Variants in PKN2 observed in about 807,000 individuals in gnomAD.
PKN2 encodes the protein serine/threonine-protein kinase N2.
Under a neutral mutation model 119.1 loss-of-function variants are expected in PKN2, and 38 were observed. The ratio of observed to expected loss-of-function variants is 0.32; its 90% CI spans 0.25 to 0.42. PKN2 has a LOEUF of 0.42. Ranked by LOEUF, PKN2 falls within the 10% of genes least tolerant of loss-of-function variation. PKN2 has a pLI of 1.00. For synonymous variants in PKN2, 390 were observed against 384.9 expected (o/e 1.01, Z -0.15); for missense variants, 850 against 1,165.1 (o/e 0.73, Z 3.94).
At chr1:88,829,972 G>C (rs754552101) in intron 19 of PKN2, among the ~76,000 whole-genome samples, 3 of 152,192 alleles carry the variant, frequency 2.0e-5, no homozygotes, top group African/African-American at 7.2e-5. Flanking sequence ...GGAAAAGGAG[G>C]AGAAGTATGG....
At chr1:88,745,257 C>T (rs1668728241) in intron 2 of PKN2, among the ~76,000 whole-genome samples, 2 of 152,278 alleles carry the variant, frequency 1.3e-5, no homozygotes, top group South Asian at 4.1e-4. Context: ...CTGTTAAGCC[C>T]TAGCTAGAGC....
Position 88,771,690 on chromosome 1 carries a change from C to A in PKN2, c.796C>A (p.Gln266Lys). 1.2e-6 allele frequency: 2 copies of A among 1,613,818 alleles called. No homozygotes were observed. Among genetic ancestry groups the A allele is most frequent in the South Asian group, 2.2e-5 (2 of 91,030 alleles). The change falls in exon 6 of 22, where the codon CAG (glutamine) becomes AAG (lysine). Residue 266 changes from glutamine (Q) to lysine (K), a missense_variant. This residue lies in a region of PKN2 where 350 missense variants were observed against 511.1 expected (regional missense o/e 0.68). Transcript: ENST00000370521. Reference protein sequence around the residue: ...EAQARFNESSQKLDLLKYSLE... With the variant: ...EAQARFNESSKKLDLLKYSLE... ...TCAAGCAAGATTTAATGAATCAAGT[C>A]AGAAGTTGGACCTTTTAAAGTATTC...
chr1:88,730,968 A>C (rs539319857), intron 1 of PKN2, among the ~76,000 whole-genome samples: 8 of 152,362 alleles, frequency 5.3e-5, no homozygotes, highest in Admixed American at 3.3e-4. Flanking sequence ...TCTGTTCAAA[A>C]CAAACAAACA....
chr1:88,793,705 A>G (rs889674014), intron 8 of PKN2, among the ~76,000 whole-genome samples: 2 of 152,146 alleles, frequency 1.3e-5, no homozygotes, highest in African/African-American at 4.8e-5. Context: ...TTTATATAAA[A>G]TGGTGTATTT....
chr1:88,731,265 C>A (rs1668133725), intron 1 of PKN2, among the ~76,000 whole-genome samples: 1 of 152,176 alleles, frequency 6.6e-6, no homozygotes. Flanking sequence ...TGTGTTTGAA[C>A]TGGTTTCTTG....
At chr1:88,818,666 AAAAG>A (rs1018642097) in intron 16 of PKN2, among the ~76,000 whole-genome samples, 13 of 151,718 alleles carry the variant, frequency 8.6e-5, no homozygotes, top group African/African-American at 2.9e-4. Context: ...AAAAAAAAGA[AAAAG>A]AAGAAACTAC....
chr1:88,776,333 T>G (rs902593249), intron 6 of PKN2, among the ~76,000 whole-genome samples: 1 of 150,874 alleles, frequency 6.6e-6, no homozygotes, highest in Non-Finnish European at 1.5e-5. Flanking sequence ...TCTCCTAGTG[T>G]CTACCTCCCT....
intron 1 of PKN2, among the ~76,000 whole-genome samples, chr1:88,700,817 G>C (rs1046335568): frequency 5.9e-5 from 9 of 152,182 alleles, no homozygotes; most frequent in African/African-American, 2.2e-4. Context: ...ATTCACTTCT[G>C]TCTGACAGTG....
At chr1:88,776,780 T>C (rs1257991917) in intron 6 of PKN2, among the ~76,000 whole-genome samples, 2 of 152,148 alleles carry the variant, frequency 1.3e-5, no homozygotes, top group Non-Finnish European at 2.9e-5. Context: ...TCCAGGCCTT[T>C]ATGTTTTGTG....
At chr1:88,832,218 C>G (rs1249863234) in intron 19 of PKN2, among the ~76,000 whole-genome samples, 1 of 151,956 alleles carries the variant, frequency 6.6e-6, no homozygotes, top group Non-Finnish European at 1.5e-5. Context: ...AAATCCAAAG[C>G]ACATTTATAT....
chr1:88,721,551 G>A (rs985767910), intron 1 of PKN2, among the ~76,000 whole-genome samples: 1 of 152,096 alleles, frequency 6.6e-6, no homozygotes, highest in African/African-American at 2.4e-5. Context: ...ATAGAATCTA[G>A]ACCTTAAGAA....
chr1:88,739,010 A>G (rs551958918), intron 1 of PKN2, among the ~76,000 whole-genome samples: 48 of 152,366 alleles, frequency 3.2e-4, no homozygotes, highest in East Asian at 2.3e-3. Flanking sequence ...TGGCTCAGGT[A>G]GAAGATCATT....
At chr1:88,798,247 A>T (rs1289001949) in intron 8 of PKN2, among the ~76,000 whole-genome samples, 2 of 151,788 alleles carry the variant, frequency 1.3e-5, no homozygotes, top group East Asian at 3.9e-4. Flanking sequence ...TAATGGGATT[A>T]TTAAATATAT....
At chr1:88,725,805 C>T (rs529741012) in intron 1 of PKN2, among the ~76,000 whole-genome samples, 59 of 152,122 alleles carry the variant, frequency 3.9e-4, no homozygotes, top group Non-Finnish European at 7.4e-4. Context: ...TTCACTTAAC[C>T]CCAGGTTATG....
chr1:88,776,398 T>C (rs962656144), intron 6 of PKN2, among the ~76,000 whole-genome samples: 7 of 151,442 alleles, frequency 4.6e-5, no homozygotes, highest in Non-Finnish European at 8.8e-5. Flanking sequence ...GATAGTTTGG[T>C]ATATATATAG....
At chr1:88,802,478 C>T (rs1017740370) in intron 8 of PKN2, among the ~76,000 whole-genome samples, 1 of 152,082 alleles carries the variant, frequency 6.6e-6, no homozygotes, top group Non-Finnish European at 1.5e-5. Flanking sequence ...GGTGCGTGCA[C>T]CACGCCCGGC....
chr1:88,821,413 C>A (rs1380587625), intron 16 of PKN2, among the ~76,000 whole-genome samples: 1 of 152,130 alleles, frequency 6.6e-6, no homozygotes, highest in Non-Finnish European at 1.5e-5. Context: ...TGGTTTGATT[C>A]TCTGTCACTA....
At chr1:88,749,832 C>A (rs1420135738) in intron 2 of PKN2, among the ~76,000 whole-genome samples, 2 of 152,112 alleles carry the variant, frequency 1.3e-5, no homozygotes, top group Admixed American at 1.3e-4. Context: ...TTAGATTTGG[C>A]TAAGTTTATT....
intron 1 of PKN2, among the ~76,000 whole-genome samples, chr1:88,730,395 T>C (rs1025728195): frequency 1.3e-5 from 2 of 152,212 alleles, no homozygotes; most frequent in Non-Finnish European, 2.9e-5. Flanking sequence ...ACCCAGGCTC[T>C]CTCTCTTTCT....
Sources: gnomAD v4.1 joint callset for allele counts (sites outside exome capture counted in the v4.1 genomes callset) on GRCh38, gnomAD v4.1.1 for gene constraint, gnomAD v4.1.1 regional missense constraint, MANE v1.5 for transcripts, NCBI Gene and HGNC (gene_info 2026-07-23, HGNC 2026-07-21) for gene names.